Variants in CCNY observed in about 807,000 individuals in gnomAD.
The protein encoded by CCNY is cyclin Y.
CCNY carries 19 observed loss-of-function variants against 42.8 expected under a neutral mutation model. The ratio of observed to expected loss-of-function variants is 0.44; its 90% CI spans 0.31 to 0.65. The LOEUF (loss-of-function observed/expected upper bound fraction) is 0.65. Ranked by LOEUF, CCNY falls within the 30% of genes least tolerant of loss-of-function variation. The pLI is 0.07. For synonymous variants in CCNY, 165 were observed against 162.7 expected (o/e 1.01, Z -0.11); for missense variants, 370 against 437.3 (o/e 0.85, Z 1.37).
chr10:35,467,456 G>T (rs1839293416), intron 1 of CCNY, among the ~76,000 whole-genome samples: 1 of 152,210 alleles, frequency 6.6e-6, no homozygotes, highest in Non-Finnish European at 1.5e-5. Flanking sequence ...ACCCCCTAGG[G>T]TGAAGAGGAT....
chr10:35,457,832 G>C (rs1345058136), intron 1 of CCNY, among the ~76,000 whole-genome samples: 1 of 152,034 alleles, frequency 6.6e-6, no homozygotes, highest in South Asian at 2.1e-4. Context: ...CACCCGCCTC[G>C]GCCTCTCAAA....
chr10:35,534,024 CT>C (rs796729108), intron 7 of CCNY, among the ~76,000 whole-genome samples: 485 of 143,792 alleles, frequency 3.4e-3, no homozygotes, highest in Middle Eastern at 3.7e-3. Context: ...CATTGCTTAA[CT>C]TTTTTTTTTT....
chr10:35,263,852 C>T (rs985242388), intron 3 of CCNY, among the ~76,000 whole-genome samples: 1 of 152,168 alleles, frequency 6.6e-6, no homozygotes, highest in African/African-American at 2.4e-5. Flanking sequence ...CCCCAACAGG[C>T]CCTAGTGTGT....
chr10:35,459,610 A>G (rs1193454804), intron 1 of CCNY, among the ~76,000 whole-genome samples: 2 of 152,122 alleles, frequency 1.3e-5, no homozygotes, highest in Admixed American at 6.5e-5. Context: ...CCTGTCTTAT[A>G]GGGGTATAAA....
intron 8 of CCNY, among the ~76,000 whole-genome samples, chr10:35,558,172 A>T (rs191027181): frequency 6.6e-6 from 1 of 152,284 alleles, no homozygotes; most frequent in African/African-American, 2.4e-5. Context: ...CCAGCACCAC[A>T]TGTTGGGATA....
chr10:35,357,791 A>G (rs528222499), intron 1 of CCNY, among the ~76,000 whole-genome samples: 2 of 152,298 alleles, frequency 1.3e-5, no homozygotes, highest in Admixed American at 6.5e-5. Context: ...TTTAGTATCC[A>G]TTGACGGTTT....
chr10:35,449,816 G>A (rs1838876994), intron 1 of CCNY: 1 of 985,158 alleles, frequency 1.0e-6, no homozygotes, highest in South Asian at 4.7e-5. Context: ...CGGACAGTAA[G>A]TTGAGAGTGC....
intron 3 of CCNY, among the ~76,000 whole-genome samples, chr10:35,292,664 T>C (rs751971916): frequency 1.3e-5 from 2 of 152,086 alleles, no homozygotes; most frequent in Non-Finnish European, 2.9e-5. Context: ...GCCCTGCCAA[T>C]AGTTTTGAAT....
intron 3 of CCNY, among the ~76,000 whole-genome samples, chr10:35,318,573 A>G (rs1037506778): frequency 6.6e-5 from 10 of 152,132 alleles, no homozygotes; most frequent in African/African-American, 2.2e-4. Context: ...TGTATTGTAA[A>G]CTAAAATGTG....
chr10:35,476,431 G>C (rs1045122037), intron 1 of CCNY, among the ~76,000 whole-genome samples: 20 of 152,080 alleles, frequency 1.3e-4, no homozygotes, highest in East Asian at 3.9e-4. Context: ...TTATAACAAA[G>C]TATCTCTCAG....
At chr10:35,455,671 G>A (rs1839012819) in intron 1 of CCNY, among the ~76,000 whole-genome samples, 1 of 152,006 alleles carries the variant, frequency 6.6e-6, no homozygotes, top group South Asian at 2.1e-4. Flanking sequence ...TTTTCTCTCT[G>A]GGTCTTGAGA....
chr10:35,529,351 C>T (rs757875951), intron 5 of CCNY, among the ~76,000 whole-genome samples: 3 of 152,102 alleles, frequency 2.0e-5, no homozygotes, highest in Non-Finnish European at 2.9e-5. Flanking sequence ...GATCCAACAA[C>T]CTTTGCTTGG....
chr10:35,337,505 A>G (rs1004518183), intron 1 of CCNY, among the ~76,000 whole-genome samples: 3 of 151,564 alleles, frequency 2.0e-5, no homozygotes, highest in African/African-American at 7.3e-5. Context: ...CCTCGTCCTT[A>G]ATGGAGCGGC....
At position 35,336,966 on chromosome 10, in the gene CCNY, C is replaced by T. The variant is rs1201722473; in HGVS notation, c.-88C>T. 23 of 1,121,076 alleles carry T rather than the reference C, an allele frequency of 2.1e-5. No homozygotes were observed. The highest frequency in any genetic ancestry group is 2.5e-5 in the Non-Finnish European group (22 of 883,698). 69.4% of individuals were successfully genotyped at this position (1,121,076 alleles called of 1,614,324 possible). On this transcript the variant is annotated 5_prime_UTR_variant, in exon 1 of 10. Transcript: ENST00000374704. ...GAGCGGGCGGGCCTCCCCACACGCC[C>T]CCGCCGCCCGCGCCCCGCGTCCACC...
At position 35,260,029 on chromosome 10, in the gene CCNY, G is replaced by A. The variant is rs140699840; in HGVS notation, c.-9+9403G>A. Among the ~76,000 whole-genome samples the A allele has an allele frequency of 2.4e-4, 37 of 152,116 alleles. No homozygotes were observed. The East Asian group carries it at 6.0e-3, about 25-fold the overall frequency. ...AAACTACCAGGGCCAGAGAAAGCAC[G>A]GCAATCTCTATGTTGGGACTAAGAA... On this transcript the variant is annotated intron_variant, in intron 3 of 11. Coordinates refer to the CCNY transcript ENST00000374706.
chr10:35,501,640 C>A, intron 3 of CCNY, 105 bp downstream of exon 3: 1 of 991,460 alleles, frequency 1.0e-6, no homozygotes, highest in Non-Finnish European at 1.6e-6. Flanking sequence ...TTTGTAGATA[C>A]TTGGAAGAAT....
At chr10:35,541,507 G>A (rs940443032) in intron 7 of CCNY, among the ~76,000 whole-genome samples, 1 of 152,154 alleles carries the variant, frequency 6.6e-6, no homozygotes, top group Non-Finnish European at 1.5e-5. Flanking sequence ...AAGTGATCCT[G>A]TCCCTGCAGC....
chr10:35,418,267 G>A lies in CCNY; in HGVS notation c.155-65137G>A, dbSNP rs118006513. Among the ~76,000 whole-genome samples the A allele has an allele frequency of 2.5e-4, 38 of 152,266 alleles. No individual in the cohort carries two copies. In the East Asian group the frequency reaches 6.8e-3, roughly 27 times the overall value. Reference sequence around the variant, plus strand: ...TTAGTGAGCTTTTTCTACACCAAATGTGTAGCTGTGTCTGCCTGTAGCCGG... The same window carrying A: ...TTAGTGAGCTTTTTCTACACCAAATATGTAGCTGTGTCTGCCTGTAGCCGG... On this transcript the variant is annotated intron_variant, in intron 1 of 9. Transcript: ENST00000374704.
At chr10:35,451,615 C>A (rs1838918084) in intron 1 of CCNY, among the ~76,000 whole-genome samples, 1 of 152,186 alleles carries the variant, frequency 6.6e-6, no homozygotes, top group African/African-American at 2.4e-5. Context: ...CTAGACAGAG[C>A]TGGTTAGGCT....
Sources: gnomAD v4.1 joint callset for allele counts (sites outside exome capture counted in the v4.1 genomes callset) on GRCh38, gnomAD v4.1.1 for gene constraint, MANE v1.5 for transcripts, NCBI Gene and HGNC (gene_info 2026-07-23, HGNC 2026-07-21) for gene names.